Variants in RYR3 observed in about 807,000 individuals in gnomAD.
RYR3 encodes brain ryanodine receptor-calcium release channel.
In RYR3, 207 loss-of-function variants were observed where a neutral mutation model predicts 584.3. That is an observed-to-expected ratio of 0.35 (90% CI 0.32 to 0.40). The LOEUF (loss-of-function observed/expected upper bound fraction) is 0.40, where lower values mean the gene tolerates loss of function less well. Among genes scored for constraint, RYR3 ranks in the 10% least tolerant of loss-of-function variants. The probability of loss-of-function intolerance (pLI) is 1.00; values close to 1 mark genes in which losing one functional copy is unlikely to be tolerated. For missense variants in RYR3, 5,616 were observed against 6,089.2 expected (o/e 0.92, Z 2.59); for synonymous variants, 2,416 against 2,248.5 (o/e 1.07, Z -2.11).
chr15:33,669,381 G>A lies in RYR3; in HGVS notation c.5647G>A (p.Gly1883Arg), dbSNP rs1243106947. Residue 1883 changes from glycine (G) to arginine (R), a missense_variant, in exon 37 of 104, where the codon GGA becomes AGA. By Grantham distance (125) the Gly-to-Arg change is moderately radical. Around this residue, in one of 9 missense-constraint regions of RYR3, gnomAD observed 1,280 missense variants for 1,426.2 expected, o/e 0.90. Coordinates refer to ENST00000634891, the MANE Select transcript of RYR3 (RefSeq NM_001036.6). ...CAACATGCTGCTTAACTTTCAACTG[G>A]GAGAGAACTGCCCCTGCCCAGAGGA... is the stretch of plus-strand genomic sequence containing the variant. ...QINMLLNFQL[G>R]ENCPCPEEIR... 6.2e-7 allele frequency: 1 copy of A among 1,613,894 alleles called. No individual in the cohort carries two copies. Among genetic ancestry groups the A allele is most frequent in the African/African-American group, 1.3e-5 (1 of 75,034 alleles).
chr15:33,771,069 T>G (rs1314049333), intron 62 of RYR3, among the ~76,000 whole-genome samples: 1 of 152,348 alleles, frequency 6.6e-6, no homozygotes, highest in South Asian at 2.1e-4. Flanking sequence ...GAGGTCTGAT[T>G]AAGCTGTCTA....
Position 33,586,599 on chromosome 15 carries a change from C to A in RYR3, c.1788+483C>A, listed in dbSNP as rs73388603. Among the ~76,000 whole-genome samples the A allele has an allele frequency of 4.8e-3, 726 of 152,234 alleles. 9 individuals are homozygous for A. The highest frequency in any genetic ancestry group is 0.017 in the African/African-American group (704 of 41,530). ...ACCAAATGAAGTAAATGAATCTGTGCGTGTGCAAGCAGAACTGAAGCCACT... is the reference window on the plus strand; with the variant it reads ...ACCAAATGAAGTAAATGAATCTGTGAGTGTGCAAGCAGAACTGAAGCCACT... On this transcript the variant is annotated intron_variant, in intron 16 of 103. Coordinates refer to ENST00000634891, the MANE Select transcript of RYR3 (RefSeq NM_001036.6).
chr15:33,608,087 A>G (rs2059996345), intron 18 of RYR3, among the ~76,000 whole-genome samples: 1 of 152,230 alleles, frequency 6.6e-6, no homozygotes. Context: ...ACAGGACATC[A>G]TTTAGTTACT....
intron 60 of RYR3, among the ~76,000 whole-genome samples, chr15:33,765,408 G>A (rs934074276): frequency 3.9e-5 from 6 of 152,054 alleles, no homozygotes; most frequent in African/African-American, 7.2e-5. Context: ...CAAGGCAGGC[G>A]GATCATCTGA....
intron 91 of RYR3, 148 bp from the exon 92 acceptor site, chr15:33,843,338 GAA>G: frequency 5.2e-6 from 3 of 574,182 alleles, no homozygotes; most frequent in Non-Finnish European, 6.2e-6. Flanking sequence ...AGAAAGAAAA[GAA>G]TGCCAGGGTT....
At position 33,696,437 on chromosome 15, in the gene RYR3, T is replaced by A; in HGVS notation, c.6080T>A (p.Leu2027His). 2 of 1,613,936 alleles carry A rather than the reference T, an allele frequency of 1.2e-6. No homozygotes were observed. The highest frequency in any genetic ancestry group is 1.7e-6 in the Non-Finnish European group (2 of 1,179,886). The change falls in exon 39 of 104, where the codon CTC becomes CAC. Residue 2027 changes from leucine (L) to histidine (H), a missense_variant. Physicochemically the swap from Leu to His is moderately conservative, Grantham distance 99. Transcript: ENST00000634891. ...GCTGCCCTGGGCCAAATCCGCTCCC[T>A]CCTCAGTGTCAGGATGGGCAAGGAA... is the stretch of plus-strand genomic sequence containing the variant. Reference protein sequence around the residue: ...LLAALGQIRSLLSVRMGKEEE... With the variant: ...LLAALGQIRSHLSVRMGKEEE...
intron 102 of RYR3, among the ~76,000 whole-genome samples, chr15:33,863,835 T>TA (rs1365915084): frequency 6.6e-6 from 1 of 152,232 alleles, no homozygotes; most frequent in Admixed American, 6.5e-5. Context: ...TTTATTGTTT[T>TA]ATTAGAATTT....
At chr15:33,630,515 T>G (rs2061212763) in intron 22 of RYR3, among the ~76,000 whole-genome samples, 1 of 152,246 alleles carries the variant, frequency 6.6e-6, no homozygotes, top group South Asian at 2.1e-4. Flanking sequence ...TTACCTGTTC[T>G]CTTGTCTTTG....
intron 2 of RYR3, among the ~76,000 whole-genome samples, chr15:33,480,192 A>G (rs568793837): frequency 3.3e-5 from 5 of 152,328 alleles, no homozygotes; most frequent in African/African-American, 9.6e-5. Context: ...TGTATAGCAC[A>G]GTGCTTAATA....
chr15:33,549,067 ACG>A (rs1232087301), intron 9 of RYR3, among the ~76,000 whole-genome samples: 5 of 71,808 alleles, frequency 7.0e-5, no homozygotes, highest in Middle Eastern at 0.014. Flanking sequence ...ACATATGCAC[ACG>A]TTTTTTTTTT....
chr15:33,858,438 C>G (rs548333745), intron 99 of RYR3, among the ~76,000 whole-genome samples: 2 of 152,208 alleles, frequency 1.3e-5, no homozygotes, highest in South Asian at 4.2e-4. Context: ...AACTCCCGAC[C>G]TCAGGTGATC....
rs142682526 is a variant in RYR3 at position 33,863,549 on chromosome 15, G to T, written c.14466-589G>T. On this transcript the variant is annotated intron_variant, in intron 102 of 103. Coordinates refer to ENST00000634891, the MANE Select transcript of RYR3 (RefSeq NM_001036.6). ...TCATATAATGTGAGCTGAGAGTTCA[G>T]CCCCTGCCCCCTGGGATACTTATGT... Among the ~76,000 whole-genome samples, 14 of 152,290 alleles carry T rather than the reference G, an allele frequency of 9.2e-5. No individual in the cohort carries two copies. The East Asian group carries it at 2.7e-3, about 29-fold the overall frequency.
chr15:33,541,394 T>C (rs2055803260), intron 7 of RYR3, among the ~76,000 whole-genome samples: 1 of 152,172 alleles, frequency 6.6e-6, no homozygotes, highest in African/African-American at 2.4e-5. Flanking sequence ...AGAGGTGAAA[T>C]TATTTTTCCC....
intron 1 of RYR3, among the ~76,000 whole-genome samples, chr15:33,315,471 G>C (rs1968032647): frequency 1.3e-5 from 2 of 152,208 alleles, no homozygotes; most frequent in African/African-American, 4.8e-5. Flanking sequence ...CATGCAGTGT[G>C]AGTTGCTGCA....
intron 37 of RYR3, 34 bp downstream of exon 37, chr15:33,669,490 T>A: frequency 1.3e-6 from 2 of 1,577,838 alleles, no homozygotes; most frequent in Non-Finnish European, 1.7e-6. Flanking sequence ...TGTCCTTTTT[T>A]TACAAGAAGA....
At chr15:33,332,436 TAA>T (rs1198255462) in intron 1 of RYR3, among the ~76,000 whole-genome samples, 4 of 152,062 alleles carry the variant, frequency 2.6e-5, no homozygotes, top group African/African-American at 9.7e-5. Context: ...AACAAGGATA[TAA>T]AAGAGTTGAA....
At chr15:33,440,749 G>A (rs576123777) in intron 1 of RYR3, among the ~76,000 whole-genome samples, 1 of 152,338 alleles carries the variant, frequency 6.6e-6, no homozygotes, top group South Asian at 2.1e-4. Flanking sequence ...TGGTAGAGCC[G>A]TAAAACCTGG....
At chr15:33,657,220 C>A (rs915430602) in intron 32 of RYR3, among the ~76,000 whole-genome samples, 1 of 152,194 alleles carries the variant, frequency 6.6e-6, no homozygotes, top group African/African-American at 2.4e-5. Context: ...GCTCTCAAAG[C>A]ACTTACTTTC....
rs577496539 is a variant in RYR3 at position 33,664,589 on chromosome 15, G to GTGTATATATATATATATA, written c.5619+853_5619+854insGTATATATATATATATAT. On this transcript the variant is annotated intron_variant, in intron 36 of 103. Transcript: ENST00000634891. ...TATATAGATATATGTGTGTGTGTGT[G>GTGTATATATATATATATA]TATATATATATATATATATATATAT... 4.0e-3 allele frequency among the ~76,000 whole-genome samples: 366 copies of GTGTATATATATATATATA among 91,308 alleles called. 3 individuals are homozygous for GTGTATATATATATATATA. The highest frequency in any genetic ancestry group is 0.021 in the South Asian group (41 of 1,976). 59.9% of individuals were successfully genotyped at this position (91,308 alleles called of 152,430 possible).
Sources: allele counts gnomAD v4.1 joint callset (sites outside exome capture counted in the v4.1 genomes callset), GRCh38; gene constraint gnomAD v4.1.1; regional missense constraint gnomAD v4.1.1; transcripts MANE v1.5; gene names NCBI Gene and HGNC (gene_info 2026-07-23, HGNC 2026-07-21).